ZCCHC7: variants seen among roughly 807,000 people sequenced by gnomAD.
ZCCHC7 encodes the protein zinc finger CCHC-type containing 7.
Under a neutral mutation model 52.0 loss-of-function variants are expected in ZCCHC7, and 35 were observed. That is an observed-to-expected ratio of 0.67 (90% CI 0.51 to 0.89). The LOEUF (loss-of-function observed/expected upper bound fraction) is 0.89. Ranked by LOEUF, ZCCHC7 falls within the 40% of genes least tolerant of loss-of-function variation. The pLI, the probability that ZCCHC7 is intolerant of heterozygous loss-of-function variation, is 0.00. For synonymous variants in ZCCHC7, 217 were observed against 221.5 expected, an observed-to-expected ratio of 0.98 and a Z score of 0.18; for missense variants, 574 against 649.1, an observed-to-expected ratio of 0.88 and a Z score of 1.26.
chr9:37,155,859 C>T (rs1820787358), intron 2 of ZCCHC7, among the ~76,000 whole-genome samples: 1 of 152,160 alleles, frequency 6.6e-6, no homozygotes, highest in Non-Finnish European at 1.5e-5. Context: ...ATTGTAGATG[C>T]CTCATCACTT....
intron 2 of ZCCHC7, among the ~76,000 whole-genome samples, chr9:37,236,577 G>T (rs947343976): frequency 2.6e-5 from 4 of 152,068 alleles, no homozygotes; most frequent in Middle Eastern, 3.4e-3. Context: ...TGTATTTTTA[G>T]CAGAGACAGG....
chr9:37,243,945 G>A (rs947465211), intron 2 of ZCCHC7, among the ~76,000 whole-genome samples: 10 of 151,824 alleles, frequency 6.6e-5, no homozygotes, highest in African/African-American at 9.7e-5. Context: ...GGATATGACC[G>A]TAGAGTTTGT....
intron 3 of ZCCHC7, 39 bp downstream of exon 3, chr9:37,302,270 TC>T: frequency 6.7e-7 from 1 of 1,497,206 alleles, no homozygotes. Context: ...AATAATAATT[TC>T]CTTTGCTTCA....
At chr9:37,230,497 G>A (rs923134476) in intron 2 of ZCCHC7, among the ~76,000 whole-genome samples, 7 of 152,190 alleles carry the variant, frequency 4.6e-5, no homozygotes, top group Non-Finnish European at 8.8e-5. Flanking sequence ...GGGAAAAAAT[G>A]TGGGATGGGG....
intron 2 of ZCCHC7, among the ~76,000 whole-genome samples, chr9:37,205,667 C>T (rs180715503): frequency 1.3e-5 from 2 of 151,854 alleles, no homozygotes; most frequent in Admixed American, 6.6e-5. Context: ...CAGGCACATG[C>T]GACCACACCT....
chr9:37,311,584 A>G (rs1178160427), intron 5 of ZCCHC7, among the ~76,000 whole-genome samples: 2 of 151,918 alleles, frequency 1.3e-5, no homozygotes, highest in Non-Finnish European at 2.9e-5. Context: ...CAATTTTTGT[A>G]TTTTTAGTAG....
intron 2 of ZCCHC7, among the ~76,000 whole-genome samples, chr9:37,253,465 C>T (rs1291532569): frequency 1.3e-5 from 2 of 151,664 alleles, no homozygotes; most frequent in Non-Finnish European, 1.5e-5. Flanking sequence ...TTTATTTTAC[C>T]GATCCACTTT....
chr9:37,304,938 G>A (rs934744239), intron 4 of ZCCHC7, among the ~76,000 whole-genome samples: 1 of 152,088 alleles, frequency 6.6e-6, no homozygotes, highest in Non-Finnish European at 1.5e-5. Flanking sequence ...TACTTCATAA[G>A]ATAGCTTATT....
At chr9:37,274,340 T>C (rs1481126261) in intron 2 of ZCCHC7, among the ~76,000 whole-genome samples, 5 of 136,438 alleles carry the variant, frequency 3.7e-5, no homozygotes, top group Non-Finnish European at 7.9e-5. Flanking sequence ...TCTTTTTTTT[T>C]TTTTTTTTTT....
At chr9:37,355,969 G>GT (rs1178816441) in intron 8 of ZCCHC7, among the ~76,000 whole-genome samples, 1 of 151,292 alleles carries the variant, frequency 6.6e-6, no homozygotes, top group Non-Finnish European at 1.5e-5. Context: ...GTACTTTTCT[G>GT]TTTTTTCCAG....
At chr9:37,198,615 T>G (rs989140800) in intron 2 of ZCCHC7, among the ~76,000 whole-genome samples, 2 of 152,214 alleles carry the variant, frequency 1.3e-5, no homozygotes, top group African/African-American at 4.8e-5. Flanking sequence ...AAGTGTTAGG[T>G]GCCAAAAGAG....
intron 2 of ZCCHC7, among the ~76,000 whole-genome samples, chr9:37,140,389 A>G (rs79823637): frequency 0.051 from 7,697 of 152,078 alleles, 637 homozygotes; most frequent in African/African-American, 0.17. Flanking sequence ...TTTGTGGGAG[A>G]ATAAATATAA....
intron 2 of ZCCHC7, chr9:37,186,645 T>C: frequency 3.8e-6 from 2 of 524,026 alleles, no homozygotes; most frequent in South Asian, 2.5e-5. Flanking sequence ...TCATGTACTT[T>C]CCTAAAAATA....
chr9:37,272,241 G>A (rs1827452825), intron 2 of ZCCHC7, among the ~76,000 whole-genome samples: 1 of 152,094 alleles, frequency 6.6e-6, no homozygotes, highest in Non-Finnish European at 1.5e-5. Flanking sequence ...TGGGCCTGGT[G>A]ATTTGACCAG....
At chr9:37,336,783 C>T (rs529198370) in intron 6 of ZCCHC7, among the ~76,000 whole-genome samples, 2 of 152,224 alleles carry the variant, frequency 1.3e-5, no homozygotes, top group South Asian at 2.1e-4. Flanking sequence ...TGGATTTACA[C>T]ATTTATGTGT....
Position 37,252,007 on chromosome 9 carries a change from T to C in ZCCHC7, c.611-50181T>C, listed in dbSNP as rs79504109. On this transcript the variant is annotated intron_variant, in intron 2 of 8. Coordinates refer to ENST00000336755, the MANE Select transcript of ZCCHC7 (RefSeq NM_032226.3). Reference sequence around the variant, plus strand: ...TTTTAATATATAAAACATAGACTTATTTTAATTCACAATTTTGTAAAACCT... The same window carrying C: ...TTTTAATATATAAAACATAGACTTACTTTAATTCACAATTTTGTAAAACCT... Among the ~76,000 whole-genome samples, 222 of 152,350 alleles carry C rather than the reference T, an allele frequency of 1.5e-3. 2 individuals are homozygous for C. The East Asian group carries it at 0.036, about 25-fold the overall frequency.
intron 2 of ZCCHC7, among the ~76,000 whole-genome samples, chr9:37,300,440 C>T (rs1302367289): frequency 6.6e-6 from 1 of 152,184 alleles, no homozygotes; most frequent in Admixed American, 6.5e-5. Context: ...ATAGAAGCTG[C>T]TGCTATTTAA....
At chr9:37,148,191 A>G (rs1588379059) in intron 2 of ZCCHC7, among the ~76,000 whole-genome samples, 1 of 152,238 alleles carries the variant, frequency 6.6e-6, no homozygotes, top group African/African-American at 2.4e-5. Context: ...TATATATTTG[A>G]TATGTATTCA....
chr9:37,233,021 A>G (rs369464167), intron 2 of ZCCHC7, among the ~76,000 whole-genome samples: 1 of 152,220 alleles, frequency 6.6e-6, no homozygotes, highest in African/African-American at 2.4e-5. Context: ...TTAAAGTAAC[A>G]TCGCCATTCT....
Sources: allele counts gnomAD v4.1 joint callset (sites outside exome capture counted in the v4.1 genomes callset), GRCh38; gene constraint gnomAD v4.1.1; transcripts MANE v1.5; gene names NCBI Gene and HGNC (gene_info 2026-07-23, HGNC 2026-07-21).